Variants in STAU2 observed in about 807,000 individuals in gnomAD.
STAU2 encodes double-stranded RNA-binding protein Staufen homolog 2.
A neutral mutation model predicts 65.9 loss-of-function variants in STAU2; 20 were observed. The observed-to-expected ratio is 0.30, with a 90% confidence interval of 0.21 to 0.44. STAU2 has a LOEUF of 0.44. STAU2 is among the 20% of genes least tolerant of loss of function. STAU2 has a pLI of 1.00. For synonymous variants in STAU2, 232 were observed against 233.9 expected (o/e 0.99, Z 0.07); for missense variants, 558 against 683.9 (o/e 0.82, Z 2.05).
At chr8:73,495,113 A>AT (rs142868034) in intron 13 of STAU2, among the ~76,000 whole-genome samples, 3,877 of 151,552 alleles carry the variant, frequency 0.026, 66 homozygotes, top group Non-Finnish European at 0.038. Flanking sequence ...GTTGGGTATG[A>AT]TTTTTTTCCA....
intron 13 of STAU2, among the ~76,000 whole-genome samples, chr8:73,490,558 T>A (rs1362799220): frequency 6.6e-6 from 1 of 152,022 alleles, no homozygotes; most frequent in Non-Finnish European, 1.5e-5. Context: ...GTTCTCATGT[T>A]TTAACTCTGC....
chr8:73,496,492 A>G (rs1161942613), intron 13 of STAU2, among the ~76,000 whole-genome samples: 3 of 151,686 alleles, frequency 2.0e-5, no homozygotes, highest in East Asian at 3.9e-4. Context: ...TCTGCCATTT[A>G]TAAGTTGTAC....
chr8:73,686,108 C>A (rs1043155231), intron 5 of STAU2, among the ~76,000 whole-genome samples: 4 of 152,166 alleles, frequency 2.6e-5, no homozygotes, highest in Non-Finnish European at 4.4e-5. Flanking sequence ...TACAAGGACA[C>A]AAAGGCATTG....
intron 11 of STAU2, among the ~76,000 whole-genome samples, chr8:73,593,839 G>A (rs1443009586): frequency 6.7e-6 from 1 of 149,990 alleles, no homozygotes; most frequent in African/African-American, 2.5e-5. Context: ...ACAATCACAT[G>A]GGCCAATTCC....
chr8:73,459,157 C>T (rs1819218548), intron 13 of STAU2, among the ~76,000 whole-genome samples: 1 of 151,908 alleles, frequency 6.6e-6, no homozygotes, highest in Non-Finnish European at 1.5e-5. Flanking sequence ...TGTTAACTTG[C>T]CAAGGTTTTT....
chr8:73,423,300 A>G (rs1189908729), intron 13 of STAU2, among the ~76,000 whole-genome samples: 1 of 152,314 alleles, frequency 6.6e-6, no homozygotes, highest in Middle Eastern at 3.4e-3. Context: ...CGAGGTGTTG[A>G]TAGGCTCGGG....
At chr8:73,690,519 G>A (rs536203837) in intron 4 of STAU2, among the ~76,000 whole-genome samples, 3 of 152,076 alleles carry the variant, frequency 2.0e-5, no homozygotes, top group Non-Finnish European at 2.9e-5. Flanking sequence ...TTTCTTGTGT[G>A]ATTAACAGTA....
chr8:73,648,467 T>C (rs1328515473), intron 6 of STAU2, among the ~76,000 whole-genome samples: 1 of 152,218 alleles, frequency 6.6e-6, no homozygotes, highest in East Asian at 1.9e-4. Flanking sequence ...GGATAAAATA[T>C]ATATACCTTG....
chr8:73,563,855 G>C (rs1176339407), intron 12 of STAU2, among the ~76,000 whole-genome samples: 1 of 152,074 alleles, frequency 6.6e-6, no homozygotes, highest in East Asian at 1.9e-4. Flanking sequence ...CCAGCAAGAT[G>C]GTAGAACAGG....
chr8:73,670,406 ACT>A (rs1817589721), intron 6 of STAU2: 1 of 152,070 alleles, frequency 6.6e-6, no homozygotes, highest in African/African-American at 2.4e-5. Flanking sequence ...GATGCCACCA[ACT>A]GCAAGTTTCC....
At chr8:73,582,872 T>G in intron 11 of STAU2, 42 bp from the exon 12 acceptor site, 1 of 1,570,512 alleles carries the variant, frequency 6.4e-7, no homozygotes, top group Non-Finnish European at 8.6e-7. Context: ...AGAAACAAGC[T>G]TATTCAAAAA....
intron 12 of STAU2, among the ~76,000 whole-genome samples, chr8:73,572,004 A>G (rs560027000): frequency 6.6e-6 from 1 of 152,316 alleles, no homozygotes; most frequent in East Asian, 1.9e-4. Context: ...GACCGCTAGC[A>G]AGACTAATAA....
At chr8:73,614,697 T>A (rs1812708207) in intron 8 of STAU2, among the ~76,000 whole-genome samples, 1 of 152,176 alleles carries the variant, frequency 6.6e-6, no homozygotes. Flanking sequence ...ATATTGATGT[T>A]CCCAAGAACA....
At chr8:73,657,456 A>G (rs1190556014) in intron 6 of STAU2, among the ~76,000 whole-genome samples, 1 of 152,244 alleles carries the variant, frequency 6.6e-6, no homozygotes, top group African/African-American at 2.4e-5. Flanking sequence ...TAATAAAAAT[A>G]CTACATAGCA....
chr8:73,745,491 AT>A (rs1419309641), intron 1 of STAU2, among the ~76,000 whole-genome samples: 1 of 152,234 alleles, frequency 6.6e-6, no homozygotes, highest in Non-Finnish European at 1.5e-5. Flanking sequence ...CACAATTTTG[AT>A]TTCAAGTATT....
intron 13 of STAU2, among the ~76,000 whole-genome samples, chr8:73,425,333 G>A (rs186235471): frequency 9.2e-5 from 14 of 152,270 alleles, no homozygotes; most frequent in East Asian, 5.8e-4. Flanking sequence ...CAGGGAGAAC[G>A]CCACGTGAAG....
chr8:73,656,335 C>A (rs970405237), intron 6 of STAU2, among the ~76,000 whole-genome samples: 1 of 152,226 alleles, frequency 6.6e-6, no homozygotes, highest in Non-Finnish European at 1.5e-5. Context: ...CCAAAACACA[C>A]ACTGTGATCT....
intron 14 of STAU2, among the ~76,000 whole-genome samples, chr8:73,422,060 C>G (rs1293998746): frequency 6.6e-6 from 1 of 151,682 alleles, no homozygotes; most frequent in African/African-American, 2.4e-5. Flanking sequence ...AAGCTATGAG[C>G]TGGATTTCAG....
chr8:73,614,371 G>A (rs1024185516), intron 8 of STAU2, among the ~76,000 whole-genome samples: 10 of 152,068 alleles, frequency 6.6e-5, no homozygotes, highest in African/African-American at 2.4e-4. Flanking sequence ...CTGGAGAAAC[G>A]AGTAGTTCTA....
Sources: gnomAD v4.1 joint callset for allele counts (sites outside exome capture counted in the v4.1 genomes callset) on GRCh38, gnomAD v4.1.1 for gene constraint, MANE v1.5 for transcripts, NCBI Gene and HGNC (gene_info 2026-07-23, HGNC 2026-07-21) for gene names.